The following MOCOS variants were observed in gnomAD, a reference collection of about 807,000 sequenced individuals.
MOCOS encodes the protein human molybdenum cofactor sulfurase.
MOCOS carries 86 observed loss-of-function variants against 83.6 expected under a neutral mutation model. That is an observed-to-expected ratio of 1.03 (90% CI 0.86 to 1.23). The LOEUF is 1.23. Ranked by LOEUF, MOCOS falls within the 50% of genes most tolerant of loss-of-function variation. MOCOS has a pLI of 0.00. For synonymous variants in MOCOS, 445 were observed against 434.7 expected (o/e 1.02, Z -0.29); for missense variants, 1,120 against 1,126.9 (o/e 0.99, Z 0.09).
At chr18:36,214,681 C>T (rs1167324639) in intron 7 of MOCOS, among the ~76,000 whole-genome samples, 1 of 151,770 alleles carries the variant, frequency 6.6e-6, no homozygotes, top group Non-Finnish European at 1.5e-5. Context: ...TCTCAACTAA[C>T]CATGAACTGA....
rs77887597 is a variant in MOCOS, at chr18:36,247,076, A to G, written c.1961-1846A>G. ...GGCTGGTTCTTGGGCAAATGGAGTT[A>G]TGTTCCCAGGGGAATTATGGCTGTT... On this transcript the variant is annotated intron_variant, in intron 9 of 14. Coordinates refer to ENST00000261326, the MANE Select transcript of MOCOS (RefSeq NM_017947.4). Among the ~76,000 whole-genome samples the G allele has an allele frequency of 6.1e-4, 93 of 152,136 alleles. 3 individuals carry two copies. The East Asian group carries it at 0.016, about 27-fold the overall frequency.
chr18:36,261,377 T>TA (rs55783469), intron 13 of MOCOS, among the ~76,000 whole-genome samples: 4,126 of 150,532 alleles, frequency 0.027, 72 homozygotes, highest in Middle Eastern at 0.052. Flanking sequence ...ATTCCAAAAT[T>TA]AAAAAAAAAA....
chr18:36,200,070 G>A lies in MOCOS; in HGVS notation c.687G>A (p.Thr229=), dbSNP rs759723652. The A allele has an allele frequency of 1.2e-5, 19 of 1,614,058 alleles. 1 individual carries two copies. Among genetic ancestry groups the A allele is most frequent in the African/African-American group, 8.0e-5 (6 of 74,930 alleles). ...VKSGRLHPVS[T]PGKWFVLLDA... ...CTGGGCGGTTGCACCCTGTGAGCAC[G>A]CCTGGGAAGTGGTTTGTGCTGCTGG... Residue 229 remains threonine, a synonymous_variant, in exon 4 of 15, where the codon ACG becomes ACA. Transcript: ENST00000261326.
At chr18:36,252,217 T>G (rs923737397) in intron 11 of MOCOS, among the ~76,000 whole-genome samples, 2 of 152,294 alleles carry the variant, frequency 1.3e-5, no homozygotes, top group Non-Finnish European at 2.9e-5. Context: ...GGAACTAGTT[T>G]GTAATCCAAA....
intron 9 of MOCOS, among the ~76,000 whole-genome samples, chr18:36,229,866 T>C (rs2091531478): frequency 6.6e-6 from 1 of 152,124 alleles, no homozygotes; most frequent in Non-Finnish European, 1.5e-5. Flanking sequence ...CTTTTAACAT[T>C]TTCTATTTCC....
chr18:36,205,300 GACTTTATT>G, intron 6 of MOCOS, 24 bp downstream of exon 6: 2 of 1,598,844 alleles, frequency 1.3e-6, no homozygotes, highest in Non-Finnish European at 1.7e-6. Context: ...CCATCCTGCT[GACTTTATT>G]ACAACTCATC....
intron 13 of MOCOS, among the ~76,000 whole-genome samples, chr18:36,264,907 A>G (rs1297651831): frequency 6.6e-6 from 1 of 152,250 alleles, no homozygotes; most frequent in East Asian, 1.9e-4. Flanking sequence ...AACACACCAG[A>G]GAAAATGATC....
intron 13 of MOCOS, among the ~76,000 whole-genome samples, chr18:36,262,885 G>A (rs146155438): frequency 1.6e-3 from 249 of 152,316 alleles, no homozygotes; most frequent in Non-Finnish European, 1.9e-3. Context: ...AAGGAAGGAG[G>A]ATCACTTGAG....
intron 9 of MOCOS, among the ~76,000 whole-genome samples, chr18:36,240,905 G>A (rs867342284): frequency 3.9e-5 from 6 of 152,150 alleles, no homozygotes; most frequent in Admixed American, 6.5e-5. Context: ...TCCAGGTGCC[G>A]TCCGTCACCC....
In MOCOS at chr18:36,268,767, A is replaced by G. The variant is rs1191785373; in HGVS notation, c.*82A>G. 1 of 1,181,432 alleles carries G rather than the reference A, an allele frequency of 8.5e-7. No individual in the cohort carries two copies. The highest frequency in any genetic ancestry group is 1.5e-5 in the African/African-American group (1 of 65,960). The allele number at this position is 1,181,432 out of a possible 1,614,324, so 73.2% of individuals were successfully genotyped here. On this transcript the variant is annotated 3_prime_UTR_variant, in exon 15 of 15. Coordinates refer to ENST00000261326, the MANE Select transcript of MOCOS (RefSeq NM_017947.4). ...CTGCAACTTGGTTCAGTAGAACTTG[A>G]TGTTTTGAATAAGGAGAGCTCTTTT...
At chr18:36,210,022 G>T (rs2091448511) in intron 6 of MOCOS, among the ~76,000 whole-genome samples, 1 of 152,074 alleles carries the variant, frequency 6.6e-6, no homozygotes, top group African/African-American at 2.4e-5. Flanking sequence ...TCTTTAATGT[G>T]CTGCTGGATT....
At chr18:36,229,636 A>G (rs1334957395) in intron 9 of MOCOS, among the ~76,000 whole-genome samples, 1 of 152,050 alleles carries the variant, frequency 6.6e-6, no homozygotes, top group African/African-American at 2.4e-5. Flanking sequence ...CATAATGTAT[A>G]TATTGGTCCA....
chr18:36,191,028 A>AAAAAAG (rs1189602738), intron 1 of MOCOS, among the ~76,000 whole-genome samples: 1 of 136,434 alleles, frequency 7.3e-6, no homozygotes, highest in African/African-American at 2.7e-5. Flanking sequence ...CTCAAAAAAA[A>AAAAAAG]AAAGAAAAAG....
intron 7 of MOCOS, among the ~76,000 whole-genome samples, chr18:36,215,146 G>A (rs1226044136): frequency 1.3e-5 from 2 of 152,220 alleles, no homozygotes; most frequent in African/African-American, 2.4e-5. Context: ...TCCCATCTCA[G>A]CCCCGGGTAG....
intron 9 of MOCOS, among the ~76,000 whole-genome samples, chr18:36,241,103 T>C (rs1057424812): frequency 6.6e-6 from 1 of 152,122 alleles, no homozygotes; most frequent in Non-Finnish European, 1.5e-5. Flanking sequence ...TCTGCGTCGC[T>C]CAGGCTGGGA....
chr18:36,203,623 G>A (rs1283560930), intron 5 of MOCOS, among the ~76,000 whole-genome samples: 1 of 152,238 alleles, frequency 6.6e-6, no homozygotes, highest in Non-Finnish European at 1.5e-5. Context: ...CTGGAAACCA[G>A]GAGGGCAAGG....
In MOCOS at chr18:36,254,203, G is replaced by A. The variant is rs76958356; in HGVS notation, c.2165-2765G>A. Among the ~76,000 whole-genome samples, 1,234 of 151,930 alleles carry A rather than the reference G, an allele frequency of 8.1e-3. 12 individuals are homozygous for A. Among genetic ancestry groups the A allele is most frequent in the African/African-American group, 0.028 (1,175 of 41,400 alleles). ...GGTCTTGAAACAGTTTTTTTGAGTT[G>A]GTATACCTTAGAAGGATTTTTTAAA... is the stretch of plus-strand genomic sequence containing the variant. On this transcript the variant is annotated intron_variant, in intron 11 of 14. Coordinates refer to ENST00000261326, the MANE Select transcript of MOCOS (RefSeq NM_017947.4).
At chr18:36,266,930 A>G in intron 14 of MOCOS, 77 bp downstream of exon 14, 2 of 1,230,794 alleles carry the variant, frequency 1.6e-6, no homozygotes, top group Non-Finnish European at 2.4e-6. Context: ...TCATAATAGC[A>G]CAGAGTTATT....
chr18:36,200,537 G>C (rs2091409551), intron 4 of MOCOS, among the ~76,000 whole-genome samples: 1 of 152,156 alleles, frequency 6.6e-6, no homozygotes, highest in South Asian at 2.1e-4. Context: ...CCCCATTTGA[G>C]AGGCTTCTCC....
Sources: allele counts gnomAD v4.1 joint callset (sites outside exome capture counted in the v4.1 genomes callset), GRCh38; gene constraint gnomAD v4.1.1; transcripts MANE v1.5; gene names NCBI Gene and HGNC (gene_info 2026-07-23, HGNC 2026-07-21).